STXBP4: variants seen among roughly 807,000 people sequenced by gnomAD.
The protein encoded by STXBP4 is syntaxin-binding protein 4.
A neutral mutation model predicts 76.1 loss-of-function variants in STXBP4; 55 were observed. The ratio of observed to expected loss-of-function variants is 0.72; its 90% CI spans 0.58 to 0.91. The LOEUF is 0.91. STXBP4 is among the 40% of genes least tolerant of loss of function. The probability of loss-of-function intolerance (pLI) is 0.00; values close to 1 mark genes in which losing one functional copy is unlikely to be tolerated. For missense variants in STXBP4, 618 were observed against 636.9 expected (o/e 0.97, Z 0.32); for synonymous variants, 201 against 220.2 (o/e 0.91, Z 0.77).
At chr17:55,009,085 C>T (rs930955362) in intron 8 of STXBP4, among the ~76,000 whole-genome samples, 10 of 152,190 alleles carry the variant, frequency 6.6e-5, no homozygotes, top group Middle Eastern at 3.4e-3. Flanking sequence ...GTGTCTTCAC[C>T]GCAGACCCTG....
chr17:55,136,938 A>G (rs2080035149), intron 16 of STXBP4, among the ~76,000 whole-genome samples: 1 of 152,100 alleles, frequency 6.6e-6, no homozygotes, highest in Admixed American at 6.6e-5. Context: ...AGGGCTGTTA[A>G]TTTCATTACT....
chr17:55,142,839 T>C (rs189392372), intron 17 of STXBP4, among the ~76,000 whole-genome samples: 20 of 152,320 alleles, frequency 1.3e-4, no homozygotes, highest in African/African-American at 4.6e-4. Context: ...ACTTTTGGCA[T>C]AGAGGACCCA....
chr17:55,027,735 C>G (rs1437439303), intron 8 of STXBP4, among the ~76,000 whole-genome samples: 1 of 151,944 alleles, frequency 6.6e-6, no homozygotes, highest in African/African-American at 2.4e-5. Flanking sequence ...TGTGATAAAA[C>G]CATTTTAAAA....
intron 12 of STXBP4, among the ~76,000 whole-genome samples, chr17:55,050,725 G>A (rs1350095833): frequency 6.6e-6 from 1 of 151,998 alleles, no homozygotes; most frequent in East Asian, 1.9e-4. Context: ...TGTAGTGCAG[G>A]GACACGATCT....
intron 1 of STXBP4, among the ~76,000 whole-genome samples, chr17:54,973,522 A>G (rs532975310): frequency 1.3e-5 from 2 of 152,324 alleles, no homozygotes; most frequent in Admixed American, 1.3e-4. Context: ...CCTGGATACA[A>G]GGAGTTCTTA....
intron 8 of STXBP4, among the ~76,000 whole-genome samples, chr17:55,009,517 G>T (rs1296482648): frequency 6.6e-6 from 1 of 152,018 alleles, no homozygotes; most frequent in Non-Finnish European, 1.5e-5. Context: ...ATTCTTTGAG[G>T]TATGAAAATC....
At chr17:55,085,842 C>A (rs532554444) in intron 16 of STXBP4, among the ~76,000 whole-genome samples, 3 of 152,024 alleles carry the variant, frequency 2.0e-5, no homozygotes, top group South Asian at 4.2e-4. Context: ...ATTTGTATAA[C>A]CTAATACATT....
intron 12 of STXBP4, among the ~76,000 whole-genome samples, chr17:55,053,207 A>G (rs572280861): frequency 6.6e-6 from 1 of 152,138 alleles, no homozygotes; most frequent in East Asian, 1.9e-4. Context: ...CTGTGGTTAT[A>G]TAAAAGAATA....
chr17:55,196,587 G>A, the STXBP4 span, among the ~76,000 whole-genome samples: 4 of 152,250 alleles, frequency 2.6e-5, no homozygotes, highest in East Asian at 5.8e-4. Flanking sequence ...CCACTGCTCT[G>A]GTAAATAATT....
intron 13 of STXBP4, among the ~76,000 whole-genome samples, chr17:55,075,289 C>G (rs553520929): frequency 4.6e-5 from 7 of 152,202 alleles, no homozygotes; most frequent in Admixed American, 3.9e-4. Context: ...GAAATATACT[C>G]TATGTATCAT....
At chr17:55,185,172 A>G in the STXBP4 span, among the ~76,000 whole-genome samples, 1 of 144,206 alleles carries the variant, frequency 6.9e-6, no homozygotes, top group Admixed American at 6.9e-5. Flanking sequence ...CCTGGCCACT[A>G]TTTTCTTCTT....
intron 3 of STXBP4, among the ~76,000 whole-genome samples, chr17:54,988,264 T>A (rs2077656174): frequency 6.6e-6 from 1 of 152,232 alleles, no homozygotes; most frequent in East Asian, 1.9e-4. Context: ...ACTGCTGTGT[T>A]AATAATACTT....
chr17:55,056,365 A>G (rs73323259), intron 12 of STXBP4, among the ~76,000 whole-genome samples: 2,896 of 152,256 alleles, frequency 0.019, 91 homozygotes, highest in African/African-American at 0.067. Context: ...GAAATACTGG[A>G]TCTGTGCTTA....
At chr17:54,984,592 C>T (rs2077600100) in intron 1 of STXBP4, among the ~76,000 whole-genome samples, 1 of 152,002 alleles carries the variant, frequency 6.6e-6, no homozygotes, top group South Asian at 2.1e-4. Context: ...ATCCACCCGC[C>T]TCGGCCACCC....
chr17:55,124,973 T>A (rs915040090), intron 16 of STXBP4, among the ~76,000 whole-genome samples: 1 of 152,212 alleles, frequency 6.6e-6, no homozygotes, highest in Non-Finnish European at 1.5e-5. Flanking sequence ...CTACTCTTTA[T>A]GACCTCATTC....
intron 16 of STXBP4, among the ~76,000 whole-genome samples, chr17:55,123,209 A>G (rs2079865758): frequency 6.6e-6 from 1 of 152,164 alleles, no homozygotes; most frequent in Non-Finnish European, 1.5e-5. Context: ...CCCTAAACAT[A>G]GCAGCTTTTG....
rs2080369025 is a variant in STXBP4, at chr17:55,164,964, C to G, written c.*5053C>G. The G allele has an allele frequency of 1.3e-5, 2 of 152,064 alleles. No homozygotes were observed. 9.4% of individuals were successfully genotyped at this position (152,064 alleles called of 1,614,324 possible). A position where few individuals can be genotyped will look rare whatever the true frequency, so the allele number is the denominator to read the frequency against. On this transcript the variant is annotated 3_prime_UTR_variant, in exon 18 of 18. Transcript: ENST00000376352. ...CAATGTGAGATATATGTGTTTCTAG[C>G]CCTTGTGTAATTCGTATTCTATGCA... is the stretch of plus-strand genomic sequence containing the variant.
At chr17:55,070,346 G>A (rs2079105687) in intron 12 of STXBP4, among the ~76,000 whole-genome samples, 1 of 152,160 alleles carries the variant, frequency 6.6e-6, no homozygotes, top group South Asian at 2.1e-4. Flanking sequence ...ATGCACAGCA[G>A]CAGTCTAGTG....
intron 3 of STXBP4, among the ~76,000 whole-genome samples, chr17:54,989,265 G>A (rs1345380177): frequency 1.3e-5 from 2 of 152,086 alleles, no homozygotes; most frequent in African/African-American, 2.4e-5. Flanking sequence ...CCACCACCGC[G>A]CCTGGCTAAT....
Sources: allele counts gnomAD v4.1 joint callset (sites outside exome capture counted in the v4.1 genomes callset), GRCh38; gene constraint gnomAD v4.1.1; transcripts MANE v1.5; gene names NCBI Gene and HGNC (gene_info 2026-07-23, HGNC 2026-07-21).